The following TYRO3 variants were observed in gnomAD, a reference collection of about 807,000 sequenced individuals.
The protein encoded by TYRO3 is TYRO3 protein tyrosine kinase.
TYRO3 carries 38 observed loss-of-function variants against 95.2 expected under a neutral mutation model. That is an observed-to-expected ratio of 0.40 (90% CI 0.31 to 0.52). The LOEUF (loss-of-function observed/expected upper bound fraction) is 0.52. Ranked by LOEUF, TYRO3 falls within the 20% of genes least tolerant of loss-of-function variation. The pLI is 0.56. For missense variants in TYRO3, 812 were observed against 1,116.4 expected, an observed-to-expected ratio of 0.73 and a Z score of 3.89; for synonymous variants, 367 against 432.9, an observed-to-expected ratio of 0.85 and a Z score of 1.89.
intron 1 of TYRO3, among the ~76,000 whole-genome samples, chr15:41,560,818 G>A (rs1401674339): frequency 2.0e-5 from 3 of 152,162 alleles, no homozygotes; most frequent in Non-Finnish European, 4.4e-5. Context: ...CTAGAGCAGT[G>A]CCTGCCCCAG....
chr15:41,570,315 A>G lies in TYRO3; in HGVS notation c.1458A>G (p.Glu486=), dbSNP rs768503789. Residue 486 remains glutamate, a synonymous_variant, in exon 11 of 19, where the codon GAA becomes GAG. Transcript: ENST00000263798. The part of the protein sequence containing the change: ...HFRAARSFNR[E]RPERIEATLD... ...GGGCAGCCCGGTCCTTCAATCGAGA[A>G]AGGCCCGAGCGCATCGAGGCCACAT... The G allele has an allele frequency of 1.9e-6, 3 of 1,613,994 alleles. No homozygotes were observed. The highest frequency in any genetic ancestry group is 2.5e-6 in the Non-Finnish European group (3 of 1,180,014).
chr15:41,560,940 C>A (rs184742818), intron 1 of TYRO3, among the ~76,000 whole-genome samples, 187 bp from the exon 2 acceptor site: 1 of 152,334 alleles, frequency 6.6e-6, no homozygotes, highest in African/African-American at 2.4e-5. Flanking sequence ...GAGAGCTTGC[C>A]ATGCCCCTTC....
Position 41,561,604 on chromosome 15 carries a change from C to A in TYRO3, c.374C>A (p.Thr125Asn), listed in dbSNP as rs776196995. 6.3e-7 allele frequency: 1 copy of A among 1,592,636 alleles called. No individual in the cohort carries two copies. The highest frequency in any genetic ancestry group is 8.5e-7 in the Non-Finnish European group (1 of 1,171,386). ...YWCQVEDGGETEISQPVWLTV... is the reference protein window; with the variant it reads ...YWCQVEDGGENEISQPVWLTV... Reference sequence around the variant, plus strand: ...TGCCAGGTGGAGGATGGGGGTGAAACCGAGATCTCCCAGCCAGTGTGGCTC... The same window carrying A: ...TGCCAGGTGGAGGATGGGGGTGAAAACGAGATCTCCCAGCCAGTGTGGCTC... Residue 125 changes from threonine to asparagine, a missense_variant, in exon 3 of 19, where the codon ACC becomes AAC. By Grantham distance (65) the Thr-to-Asn change is moderately conservative. Coordinates refer to ENST00000263798, the MANE Select transcript of TYRO3 (RefSeq NM_006293.4).
intron 8 of TYRO3, among the ~76,000 whole-genome samples, chr15:41,568,603 G>A (rs1264656255): frequency 6.6e-6 from 1 of 152,072 alleles, no homozygotes; most frequent in Non-Finnish European, 1.5e-5. Flanking sequence ...TGCTTGAGCT[G>A]GGGGAGGGCA....
intron 18 of TYRO3, among the ~76,000 whole-genome samples, chr15:41,576,411 T>G (rs999985980): frequency 6.6e-6 from 1 of 151,930 alleles, no homozygotes; most frequent in Non-Finnish European, 1.5e-5. Context: ...CAGGCTGGTC[T>G]CAAACTCCCG....
intron 1 of TYRO3, among the ~76,000 whole-genome samples, chr15:41,560,608 G>C (rs2055640950): frequency 6.6e-6 from 1 of 152,068 alleles, no homozygotes; most frequent in Admixed American, 6.5e-5. Context: ...TGCCAGGAAG[G>C]CTGCCATGTG....
At position 41,570,668 on chromosome 15, in the gene TYRO3, G is replaced by T. The variant is rs1318371926; in HGVS notation, c.1548G>T (p.Gln516His). ...TGGAGGATGTGCTCATCCCAGAGCA[G>T]CAGTTCACCCTGGGCCGGATGTTGG... ...EKLEDVLIPE[Q>H]QFTLGRMLGK... The change falls in exon 12 of 19, where the codon CAG (glutamine) becomes CAT (histidine). Residue 516 changes from glutamine (Q) to histidine (H), a missense_variant. By Grantham distance (24) the Gln-to-His change is conservative (BLOSUM62 0). Transcript: ENST00000263798. The T allele has an allele frequency of 7.4e-6, 12 of 1,614,102 alleles. No individual in the cohort carries two copies. The highest frequency in any genetic ancestry group is 1.0e-5 in the Non-Finnish European group (12 of 1,180,046).
At position 41,578,039 on chromosome 15, in the gene TYRO3, G is replaced by T; in HGVS notation, c.2436G>T (p.Glu812Asp). ...ACATCAACATCGAGAGAGCTGAGGAGCCCACTGCGGGAGGCAGCCTGGAGC... is the reference window on the plus strand; with the variant it reads ...ACATCAACATCGAGAGAGCTGAGGATCCCACTGCGGGAGGCAGCCTGGAGC... The part of the protein sequence containing the change: ...PLYINIERAE[E>D]PTAGGSLELP... The change falls in exon 19 of 19, where the codon GAG becomes GAT. Residue 812 changes from glutamate (E) to aspartate (D), a missense_variant. Coordinates refer to ENST00000263798, the MANE Select transcript of TYRO3 (RefSeq NM_006293.4). 1 of 1,614,086 alleles carries T rather than the reference G, an allele frequency of 6.2e-7. No individual in the cohort carries two copies. Among genetic ancestry groups the T allele is most frequent in the Non-Finnish European group, 8.5e-7 (1 of 1,180,028 alleles).
At chr15:41,571,177 G>A (rs1279541849) in intron 13 of TYRO3, 59 bp downstream of exon 13, 2 of 1,529,254 alleles carry the variant, frequency 1.3e-6, no homozygotes, top group African/African-American at 2.7e-5. Context: ...AGGGGCGACT[G>A]ACCCTGAAGC....
Position 41,563,670 on chromosome 15 carries a change from G to A in TYRO3, c.581-514G>A, listed in dbSNP as rs577884198. Among the ~76,000 whole-genome samples, 16 of 152,274 alleles carry A rather than the reference G, an allele frequency of 1.1e-4. No homozygotes were observed. The East Asian group carries it at 3.1e-3, about 29-fold the overall frequency. On this transcript the variant is annotated intron_variant, in intron 4 of 18. Transcript: ENST00000263798. Reference sequence around the variant, plus strand: ...CACCACACTGTGCTAGGCACCACAGGGGACAGAGGGAATACAAAGGAAATA... The same window carrying A: ...CACCACACTGTGCTAGGCACCACAGAGGACAGAGGGAATACAAAGGAAATA...
chr15:41,563,409 G>A (rs867705613), intron 4 of TYRO3, among the ~76,000 whole-genome samples: 3 of 152,190 alleles, frequency 2.0e-5, no homozygotes, highest in African/African-American at 7.2e-5. Flanking sequence ...TCTGAGCTTG[G>A]TCTCATGTGC....
chr15:41,565,755 C>G (rs1240291006), intron 6 of TYRO3, among the ~76,000 whole-genome samples: 1 of 151,908 alleles, frequency 6.6e-6, no homozygotes, highest in Non-Finnish European at 1.5e-5. Flanking sequence ...GGTGAAAGCT[C>G]AAACCTTTGC....
At chr15:41,571,712 G>C in intron 14 of TYRO3, 25 bp downstream of exon 14, 1 of 1,052,360 alleles carries the variant, frequency 9.5e-7, no homozygotes, top group East Asian at 2.3e-5. Flanking sequence ...GGGGGAGGCA[G>C]ATAGAGAATA....
Position 41,578,539 on chromosome 15 carries a change from G to T in TYRO3, c.*263G>T. 1.8e-6 allele frequency: 1 copy of T among 545,568 alleles called. No homozygotes were observed. Among genetic ancestry groups the T allele is most frequent in the South Asian group, 2.2e-5 (1 of 45,678 alleles). 33.8% of individuals were successfully genotyped at this position (545,568 alleles called of 1,614,324 possible). On this transcript the variant is annotated 3_prime_UTR_variant, in exon 19 of 19. Coordinates refer to ENST00000263798, the MANE Select transcript of TYRO3 (RefSeq NM_006293.4). ...CCTGGTTGTCTGAACCCAGGCAGCT[G>T]GCAGGAGTGGGGTGGTTATGTTTCC...
At chr15:41,575,878 G>A (rs1381064233) in intron 18 of TYRO3, among the ~76,000 whole-genome samples, 1 of 152,044 alleles carries the variant, frequency 6.6e-6, no homozygotes, top group Non-Finnish European at 1.5e-5. Flanking sequence ...GCTTTGGGAG[G>A]CGGATCTCCT....
At chr15:41,562,867 C>A in intron 4 of TYRO3, 149 bp downstream of exon 4, 1 of 813,716 alleles carries the variant, frequency 1.2e-6, no homozygotes, top group Non-Finnish European at 1.9e-6. Flanking sequence ...CATTACTAAG[C>A]TCATTAGTCA....
At chr15:41,576,357 C>A (rs1275205576) in intron 18 of TYRO3, among the ~76,000 whole-genome samples, 1 of 151,754 alleles carries the variant, frequency 6.6e-6, no homozygotes, top group Non-Finnish European at 1.5e-5. Context: ...CCCTGCCCAG[C>A]TAATTTTGTA....
intron 5 of TYRO3, 56 bp from the exon 6 acceptor site, chr15:41,564,970 C>T (rs1472401708): frequency 2.5e-6 from 3 of 1,221,954 alleles, no homozygotes; most frequent in Non-Finnish European, 3.6e-6. Context: ...TCCCATGCCT[C>T]CTGCTGCCTC....
rs1160356464 is a variant in TYRO3 at position 41,582,896 on chromosome 15, C to G, written c.*4620C>G. On this transcript the variant is annotated 3_prime_UTR_variant, in exon 19 of 19. Coordinates refer to ENST00000263798, the MANE Select transcript of TYRO3 (RefSeq NM_006293.4). Reference sequence around the variant, plus strand: ...ATACAGGGTCTTGCTCTGTTTCTGCCTGGGCTGGAGTAAAGTGATAGTAAA... The same window carrying G: ...ATACAGGGTCTTGCTCTGTTTCTGCGTGGGCTGGAGTAAAGTGATAGTAAA... 1 of 149,916 alleles carries G rather than the reference C, an allele frequency of 6.7e-6. No individual in the cohort carries two copies. Among genetic ancestry groups the G allele is most frequent in the African/African-American group, 2.5e-5 (1 of 40,642 alleles). 9.3% of individuals were successfully genotyped at this position (149,916 alleles called of 1,614,324 possible). A position where few individuals can be genotyped will look rare whatever the true frequency, so the allele number is the denominator to read the frequency against.
Sources: gnomAD v4.1 joint callset for allele counts (sites outside exome capture counted in the v4.1 genomes callset) on GRCh38, gnomAD v4.1.1 for gene constraint, MANE v1.5 for transcripts, NCBI Gene and HGNC (gene_info 2026-07-23, HGNC 2026-07-21) for gene names.